KIAA1671: variants seen among roughly 807,000 people sequenced by gnomAD.
The protein encoded by KIAA1671 is uncharacterized protein KIAA1671.
KIAA1671 carries 52 observed loss-of-function variants against 131.2 expected under a neutral mutation model. The ratio of observed to expected loss-of-function variants is 0.40; its 90% CI spans 0.32 to 0.50. The LOEUF is 0.50. KIAA1671 is among the 20% of genes least tolerant of loss of function. The pLI, the probability that KIAA1671 is intolerant of heterozygous loss-of-function variation, is 0.73. For missense variants in KIAA1671, 2,360 were observed against 2,364.2 expected, an observed-to-expected ratio of 1.00 and a Z score of 0.04; for synonymous variants, 1,003 against 961.6, an observed-to-expected ratio of 1.04 and a Z score of -0.80.
Position 25,177,340 on chromosome 22 carries a change from T to C in KIAA1671, c.4900-8T>C, listed in dbSNP as rs1329234075. On this transcript the variant is annotated splice_polypyrimidine_tract_variant and splice_region_variant and intron_variant, in intron 8 of 12. Transcript: ENST00000358431. The stretch of plus-strand genomic sequence containing the variant: ...TTTTTTTCCTCTTCCTCCCTGCTGC[T>C]CCCAAAGCAAACCTCAGTCCTCGAC... 6.5e-7 allele frequency: 1 copy of C among 1,543,706 alleles called. No homozygotes were observed. Among genetic ancestry groups the C allele is most frequent in the Admixed American group, 2.0e-5 (1 of 50,202 alleles).
intron 1 of KIAA1671, among the ~76,000 whole-genome samples, chr22:25,021,466 CTTT>C (rs75152681): frequency 3.0e-5 from 4 of 133,612 alleles, no homozygotes; most frequent in Admixed American, 7.6e-5. Flanking sequence ...TTGTCCTTAC[CTTT>C]TTTTTTTTTT....
intron 1 of KIAA1671, among the ~76,000 whole-genome samples, chr22:24,980,396 T>C (rs1332175945): frequency 6.6e-6 from 1 of 151,528 alleles, no homozygotes; most frequent in African/African-American, 2.4e-5. Flanking sequence ...CTTAGCCTCC[T>C]GGGTAGCTGG....
At chr22:24,962,767 G>T (rs1363763302) in intron 1 of KIAA1671, among the ~76,000 whole-genome samples, 1 of 152,124 alleles carries the variant, frequency 6.6e-6, no homozygotes, top group Non-Finnish European at 1.5e-5. Flanking sequence ...TTGGGGAAAA[G>T]AATGATGAGA....
intron 1 of KIAA1671, among the ~76,000 whole-genome samples, chr22:24,992,377 T>G (rs1923887847): frequency 6.6e-6 from 1 of 152,132 alleles, no homozygotes; most frequent in South Asian, 2.1e-4. Context: ...AAATTTTGTC[T>G]CTCTTTGCCA....
intron 1 of KIAA1671, among the ~76,000 whole-genome samples, chr22:25,004,298 T>G (rs1473599905): frequency 6.6e-6 from 1 of 152,050 alleles, no homozygotes; most frequent in African/African-American, 2.4e-5. Context: ...GTATTTTTTG[T>G]AGAGATGGGA....
rs1246183196 is a variant in KIAA1671 at position 25,177,424 on chromosome 22, T to C, written c.4976T>C (p.Ile1659Thr). 2 of 1,551,642 alleles carry C rather than the reference T, an allele frequency of 1.3e-6. No individual in the cohort carries two copies. Among genetic ancestry groups the C allele is most frequent in the South Asian group, 2.4e-5 (2 of 84,050 alleles). The change falls in exon 9 of 13, where the codon ATC becomes ACC. Residue 1659 changes from isoleucine (I) to threonine (T), a missense_variant. Ile to Thr is a moderately conservative substitution (Grantham distance 89). Around this residue, in one of 3 missense-constraint regions of KIAA1671, gnomAD observed 1,161 missense variants for 1,204.7 expected, o/e 0.96. Coordinates refer to ENST00000358431, the MANE Select transcript of KIAA1671 (RefSeq NM_001145206.2). ...LSKRSRRRAP[I>T]SHSLRRSRFS... Reference sequence around the variant, plus strand: ...AAGAGAAGCCGCCGCCGGGCCCCCATCTCCCACTCCCTCCGGCGCAGCCGA... The same window carrying C: ...AAGAGAAGCCGCCGCCGGGCCCCCACCTCCCACTCCCTCCGGCGCAGCCGA...
chr22:25,024,247 G>C (rs1925820023), intron 1 of KIAA1671: 1 of 152,242 alleles, frequency 6.6e-6, no homozygotes, highest in African/African-American at 2.4e-5. Context: ...GTGTACCATT[G>C]ATCCTAATTC....
At chr22:24,969,000 G>C (rs1050595284) in intron 1 of KIAA1671, among the ~76,000 whole-genome samples, 3 of 152,140 alleles carry the variant, frequency 2.0e-5, no homozygotes, top group Non-Finnish European at 4.4e-5. Flanking sequence ...CCCAGGCTCA[G>C]GCGATTCTCC....
chr22:25,088,799 T>C (rs1018910208), intron 6 of KIAA1671, among the ~76,000 whole-genome samples: 3 of 152,214 alleles, frequency 2.0e-5, no homozygotes, highest in Non-Finnish European at 4.4e-5. Flanking sequence ...ATGTGTCTCC[T>C]TTTGAAAATA....
At chr22:25,155,434 G>T (rs1434881842) in intron 6 of KIAA1671, among the ~76,000 whole-genome samples, 3 of 151,770 alleles carry the variant, frequency 2.0e-5, no homozygotes, top group African/African-American at 7.3e-5. Flanking sequence ...TGTGTGTGGG[G>T]GGGTTTTTGT....
intron 10 of KIAA1671, among the ~76,000 whole-genome samples, chr22:25,183,085 A>G (rs765074236): frequency 2.4e-4 from 36 of 152,156 alleles, no homozygotes; most frequent in Non-Finnish European, 4.9e-4. Flanking sequence ...TGTTTCAGAC[A>G]TCATGTGCTT....
At chr22:25,037,935 GT>G (rs1279906429) in intron 4 of KIAA1671, among the ~76,000 whole-genome samples, 2 of 152,016 alleles carry the variant, frequency 1.3e-5, no homozygotes, top group African/African-American at 4.8e-5. Flanking sequence ...CGCCCTCCAG[GT>G]TCAAGCAATT....
At chr22:25,094,992 A>G (rs1356245003) in intron 6 of KIAA1671, among the ~76,000 whole-genome samples, 1 of 152,164 alleles carries the variant, frequency 6.6e-6, no homozygotes, top group Non-Finnish European at 1.5e-5. Flanking sequence ...ACAGACAGAT[A>G]TGAGTGCGCT....
chr22:25,089,107 A>G (rs958641362), intron 6 of KIAA1671, among the ~76,000 whole-genome samples: 2 of 152,128 alleles, frequency 1.3e-5, no homozygotes, highest in African/African-American at 2.4e-5. Flanking sequence ...TAAGAAACCT[A>G]GAGATGATTT....
chr22:25,049,622 A>G (rs1343687939), intron 6 of KIAA1671: 4 of 397,650 alleles, frequency 1.0e-5, no homozygotes, highest in Non-Finnish European at 1.8e-5. Flanking sequence ...GGAGTGGTTA[A>G]GGGAACATAG....
Position 25,028,485 on chromosome 22 carries a change from G to A in KIAA1671, c.486G>A (p.Glu162=). The change falls in exon 3 of 13, where the codon GAG becomes GAA. Residue 162 remains glutamate (E), a synonymous_variant. Coordinates refer to ENST00000358431, the MANE Select transcript of KIAA1671 (RefSeq NM_001145206.2). ...SGPALGKAVS[E]GAEEAKLGVS... is the part of the protein sequence containing the mutation. ...CCGCTCTGGGGAAGGCGGTTAGTGA[G>A]GGGGCGGAGGAGGCCAAGCTAGGTG... 6.5e-7 allele frequency: 1 copy of A among 1,549,576 alleles called. No homozygotes were observed. Among genetic ancestry groups the A allele is most frequent in the Non-Finnish European group, 8.7e-7 (1 of 1,146,144 alleles).
At chr22:25,032,724 T>A in intron 4 of KIAA1671, 28 bp downstream of exon 4, 1 of 1,440,440 alleles carries the variant, frequency 6.9e-7, no homozygotes, top group Non-Finnish European at 9.5e-7. Context: ...AGCACGTCTC[T>A]CATTAACCAG....
chr22:24,987,051 G>A (rs1368960561), intron 1 of KIAA1671, among the ~76,000 whole-genome samples: 1 of 152,016 alleles, frequency 6.6e-6, no homozygotes, highest in Non-Finnish European at 1.5e-5. Context: ...TGTGGCTGTG[G>A]TTTGACTGCA....
intron 1 of KIAA1671, among the ~76,000 whole-genome samples, chr22:24,985,629 G>A (rs1035961385): frequency 2.6e-5 from 4 of 152,166 alleles, no homozygotes; most frequent in Admixed American, 1.3e-4. Flanking sequence ...GTGAGCCAGC[G>A]CGCCTAGCCT....
Sources: gnomAD v4.1 joint callset for allele counts (sites outside exome capture counted in the v4.1 genomes callset) on GRCh38, gnomAD v4.1.1 for gene constraint, gnomAD v4.1.1 regional missense constraint, MANE v1.5 for transcripts, NCBI Gene and HGNC (gene_info 2026-07-23, HGNC 2026-07-21) for gene names.